The following AGMO variants were observed in gnomAD, a reference collection of about 807,000 sequenced individuals.
AGMO encodes the protein glyceryl-ether monooxygenase.
In AGMO, 75 loss-of-function variants were observed where a neutral mutation model predicts 60.2. That is an observed-to-expected ratio of 1.25 (90% CI 1.03 to 1.51). The LOEUF (loss-of-function observed/expected upper bound fraction) is 1.51. Ranked by LOEUF, AGMO falls within the 40% of genes most tolerant of loss-of-function variation. AGMO has a pLI of 0.00. For synonymous variants in AGMO, 261 were observed against 177.1 expected (o/e 1.47, Z -3.76); for missense variants, 763 against 525.5 (o/e 1.45, Z -4.42).
At chr7:15,192,440 G>A in the AGMO span, among the ~76,000 whole-genome samples, 1 of 152,012 alleles carries the variant, frequency 6.6e-6, no homozygotes, top group African/African-American at 2.4e-5. Context: ...AAACTCCAGG[G>A]AAGGTCATCT....
chr7:15,545,241 A>C (rs1010377570), intron 2 of AGMO, among the ~76,000 whole-genome samples: 3 of 152,166 alleles, frequency 2.0e-5, no homozygotes, highest in Non-Finnish European at 4.4e-5. Context: ...AAATAGGACA[A>C]GACTAAAACT....
chr7:15,354,425 C>CGTGTGTAT (rs1183602241), intron 12 of AGMO, among the ~76,000 whole-genome samples: 3 of 23,198 alleles, frequency 1.3e-4, no homozygotes, highest in African/African-American at 7.4e-4. Flanking sequence ...TGTGTATACA[C>CGTGTGTAT]ACACGTGTGT....
chr7:15,431,981 T>G (rs1781254687), intron 3 of AGMO, among the ~76,000 whole-genome samples: 1 of 151,816 alleles, frequency 6.6e-6, no homozygotes, highest in South Asian at 2.1e-4. Flanking sequence ...TGTATTGCCA[T>G]TTTTCATTTC....
In AGMO at chr7:15,519,591, C is replaced by T. The variant is rs531780552; in HGVS notation, c.409+25181G>A. ...AGTGAAGAAAAAATAAAATCCTTTA[C>T]AGACAAGCAAATGCTGAGGGATTTT... On this transcript the variant is annotated intron_variant, in intron 3 of 12. Coordinates refer to ENST00000342526, the MANE Select transcript of AGMO (RefSeq NM_001004320.2). Among the ~76,000 whole-genome samples, 15 of 152,256 alleles carry T rather than the reference C, an allele frequency of 9.9e-5. 1 individual carries two copies. Among genetic ancestry groups the T allele is most frequent in the Non-Finnish European group, 1.8e-4 (12 of 68,028 alleles).
chr7:15,392,486 A>G (rs1239073669), intron 6 of AGMO, among the ~76,000 whole-genome samples: 1 of 152,018 alleles, frequency 6.6e-6, no homozygotes, highest in Admixed American at 6.6e-5. Context: ...AACCATCTAA[A>G]TTAAAAAACA....
At chr7:15,406,559 T>TAC (rs201255638) in intron 5 of AGMO, among the ~76,000 whole-genome samples, 6,243 of 65,844 alleles carry the variant, frequency 0.095, 1,040 homozygotes, top group African/African-American at 0.22. Flanking sequence ...TTGTTTGGAA[T>TAC]ACACACACAC....
chr7:15,201,154 A>G lies in AGMO; in HGVS notation c.*131T>C. The G allele has an allele frequency of 3.6e-6, 2 of 560,334 alleles. No homozygotes were observed. Among genetic ancestry groups the G allele is most frequent in the Non-Finnish European group, 5.7e-6 (2 of 348,368 alleles). The allele number at this position is 560,334 out of a possible 1,614,324, so 34.7% of individuals were successfully genotyped here. A position where few individuals can be genotyped will look rare whatever the true frequency, so the allele number is the denominator to read the frequency against. On this transcript the variant is annotated 3_prime_UTR_variant, in exon 13 of 13. Coordinates refer to ENST00000342526, the MANE Select transcript of AGMO (RefSeq NM_001004320.2). ...AAATGTGAAAGGCAAACAATAGTAA[A>G]TAAGTAATTTTACTTTTCATTGAAG...
At chr7:15,354,140 G>GT (rs1782360160) in intron 12 of AGMO, among the ~76,000 whole-genome samples, 1 of 151,292 alleles carries the variant, frequency 6.6e-6, no homozygotes, top group Non-Finnish European at 1.5e-5. Context: ...AGAGGACAAT[G>GT]TTTTTTTAAA....
At chr7:15,421,325 G>A (rs964840986) in intron 4 of AGMO, among the ~76,000 whole-genome samples, 5 of 152,000 alleles carry the variant, frequency 3.3e-5, no homozygotes, top group African/African-American at 1.2e-4. Flanking sequence ...TCTGTGCCTC[G>A]CCACAGCCAA....
intron 12 of AGMO, among the ~76,000 whole-genome samples, chr7:15,270,995 G>C (rs868330831): frequency 6.6e-6 from 1 of 151,720 alleles, no homozygotes; most frequent in Non-Finnish European, 1.5e-5. Flanking sequence ...TTATTTCTAG[G>C]TTTTCTATTC....
the AGMO span, among the ~76,000 whole-genome samples, chr7:15,128,886 A>G: frequency 6.6e-6 from 1 of 152,050 alleles, no homozygotes; most frequent in African/African-American, 2.4e-5. Flanking sequence ...TCACTTTGCT[A>G]TAGCTAGGGA....
chr7:15,138,693 C>T, the AGMO span, among the ~76,000 whole-genome samples: 1 of 152,090 alleles, frequency 6.6e-6, no homozygotes. Flanking sequence ...TACCCGTTCA[C>T]AAATAATGTA....
chr7:15,292,212 A>G (rs997133134), intron 12 of AGMO, among the ~76,000 whole-genome samples: 1 of 152,192 alleles, frequency 6.6e-6, no homozygotes, highest in Admixed American at 6.5e-5. Flanking sequence ...CATCTTGGCT[A>G]AACATTTGAA....
At chr7:15,429,591 T>C (rs540042547) in intron 4 of AGMO, among the ~76,000 whole-genome samples, 3 of 152,142 alleles carry the variant, frequency 2.0e-5, no homozygotes, top group African/African-American at 4.8e-5. Context: ...CAGTTAGTAG[T>C]ATCTTCTTAT....
At chr7:15,252,968 T>C (rs1359790931) in intron 12 of AGMO, among the ~76,000 whole-genome samples, 1 of 152,040 alleles carries the variant, frequency 6.6e-6, no homozygotes, top group African/African-American at 2.4e-5. Context: ...ATAAAATAAA[T>C]TGAGAACCCC....
At chr7:15,493,466 C>G (rs1007253167) in intron 3 of AGMO, among the ~76,000 whole-genome samples, 2 of 148,636 alleles carry the variant, frequency 1.3e-5, no homozygotes, top group South Asian at 4.3e-4. Flanking sequence ...CTCCGCCTCC[C>G]GGGTTCACGC....
At chr7:15,518,295 C>T (rs1473030497) in intron 3 of AGMO, among the ~76,000 whole-genome samples, 2 of 152,122 alleles carry the variant, frequency 1.3e-5, no homozygotes, top group Admixed American at 6.5e-5. Context: ...AGCAGCGGAC[C>T]TCCTAGCACA....
In AGMO at chr7:15,501,797, T is replaced by C. The variant is rs572978521; in HGVS notation, c.409+42975A>G. Among the ~76,000 whole-genome samples, 3 of 151,832 alleles carry C rather than the reference T, an allele frequency of 2.0e-5. No homozygotes were observed. In the East Asian group the frequency reaches 5.8e-4, roughly 29 times the overall value. Reference sequence around the variant, plus strand: ...CAGAAAATCTCTATGAAAAGTTGAGTCTGTCAAGATGTAACAATCCAAGAA... The same window carrying C: ...CAGAAAATCTCTATGAAAAGTTGAGCCTGTCAAGATGTAACAATCCAAGAA... On this transcript the variant is annotated intron_variant, in intron 3 of 12. Coordinates refer to ENST00000342526, the MANE Select transcript of AGMO (RefSeq NM_001004320.2).
intron 3 of AGMO, among the ~76,000 whole-genome samples, chr7:15,491,843 GA>G (rs1394419288): frequency 1.3e-5 from 2 of 152,132 alleles, no homozygotes; most frequent in Non-Finnish European, 2.9e-5. Flanking sequence ...CTTCACAGAG[GA>G]ACTAAGCCAT....
Sources: allele counts gnomAD v4.1 joint callset (sites outside exome capture counted in the v4.1 genomes callset), GRCh38; gene constraint gnomAD v4.1.1; transcripts MANE v1.5; gene names NCBI Gene and HGNC (gene_info 2026-07-23, HGNC 2026-07-21).